The following OPCML variants were observed in gnomAD, a reference collection of about 807,000 sequenced individuals.
OPCML encodes opioid-binding protein/cell adhesion molecule.
In OPCML, 13 loss-of-function variants were observed where a neutral mutation model predicts 37.8. The ratio of observed to expected loss-of-function variants is 0.34; its 90% CI spans 0.22 to 0.55. OPCML has a LOEUF of 0.55. OPCML is among the 20% of genes least tolerant of loss of function. OPCML has a pLI of 0.91. For missense variants in OPCML, 341 were observed against 435.6 expected (o/e 0.78, Z 1.93); for synonymous variants, 176 against 168.8 (o/e 1.04, Z -0.33).
intron 1 of OPCML, among the ~76,000 whole-genome samples, chr11:133,112,195 G>T (rs960644512): frequency 7.1e-6 from 1 of 140,120 alleles, no homozygotes; most frequent in African/African-American, 2.6e-5. Flanking sequence ...TTCCATCCAA[G>T]GATTTTTTTC....
chr11:133,140,112 G>A (rs1353280709), intron 1 of OPCML, among the ~76,000 whole-genome samples: 5 of 151,178 alleles, frequency 3.3e-5, no homozygotes, highest in East Asian at 2.0e-4. Flanking sequence ...ACTTGAACCC[G>A]GGAGGCAGAG....
chr11:132,743,750 A>G (rs928723721), intron 2 of OPCML, among the ~76,000 whole-genome samples: 2 of 152,180 alleles, frequency 1.3e-5, no homozygotes, highest in Non-Finnish European at 1.5e-5. Context: ...AGGTTAAATC[A>G]TAATTGCTTT....
chr11:132,513,877 CTT>C (rs1289477687), intron 4 of OPCML, among the ~76,000 whole-genome samples: 8 of 152,284 alleles, frequency 5.3e-5, no homozygotes, highest in African/African-American at 1.7e-4. Flanking sequence ...TTTCACTAAA[CTT>C]TGAGCTTCCT....
intron 2 of OPCML, among the ~76,000 whole-genome samples, chr11:132,886,504 G>T (rs1373167128): frequency 2.0e-5 from 3 of 152,250 alleles, no homozygotes; most frequent in East Asian, 3.9e-4. Flanking sequence ...CCAGCTGGGG[G>T]CCTCTCCAGC....
intron 3 of OPCML, among the ~76,000 whole-genome samples, chr11:132,556,116 A>T (rs2096394965): frequency 6.6e-6 from 1 of 151,878 alleles, no homozygotes; most frequent in Admixed American, 6.6e-5. Context: ...TTTAGAAAAA[A>T]AAATTTTGTA....
intron 3 of OPCML, among the ~76,000 whole-genome samples, chr11:132,615,732 C>T (rs768881225): frequency 1.3e-5 from 2 of 151,974 alleles, no homozygotes; most frequent in South Asian, 4.2e-4. Flanking sequence ...GCATTGATAC[C>T]GAGAAATGAC....
At chr11:132,432,846 A>G (rs538078752) in intron 7 of OPCML, among the ~76,000 whole-genome samples, 41 of 152,228 alleles carry the variant, frequency 2.7e-4, no homozygotes, top group Non-Finnish European at 5.7e-4. Context: ...GAAACAAGGA[A>G]TCTATCTGTT....
intron 2 of OPCML, among the ~76,000 whole-genome samples, chr11:132,825,599 T>C (rs191187700): frequency 6.6e-6 from 1 of 152,356 alleles, no homozygotes; most frequent in East Asian, 1.9e-4. Flanking sequence ...ATAAATGGCC[T>C]TTCTTCTTTC....
At chr11:133,329,411 T>A (rs1197460294) in intron 1 of OPCML, among the ~76,000 whole-genome samples, 1 of 152,146 alleles carries the variant, frequency 6.6e-6, no homozygotes, top group Non-Finnish European at 1.5e-5. Flanking sequence ...GCTGGAGGCA[T>A]CACGCTACCT....
intron 4 of OPCML, among the ~76,000 whole-genome samples, chr11:132,501,218 C>G (rs1014979750): frequency 2.0e-5 from 3 of 152,108 alleles, no homozygotes; most frequent in African/African-American, 7.2e-5. Flanking sequence ...ACACCTTATA[C>G]AAAAATTAAC....
intron 4 of OPCML, among the ~76,000 whole-genome samples, chr11:132,503,945 A>G (rs60824182): frequency 0.031 from 4,738 of 152,284 alleles, 235 homozygotes; most frequent in African/African-American, 0.11. Context: ...AACCTAGCAT[A>G]TTAAAGATAT....
chr11:132,805,914 T>G (rs892733696), intron 2 of OPCML, among the ~76,000 whole-genome samples: 2 of 152,048 alleles, frequency 1.3e-5, no homozygotes, highest in African/African-American at 4.8e-5. Context: ...GCAAAAATAA[T>G]AACAGTATAA....
chr11:132,878,597 G>A (rs1008961594), intron 2 of OPCML, among the ~76,000 whole-genome samples: 6 of 152,012 alleles, frequency 3.9e-5, no homozygotes, highest in Non-Finnish European at 8.8e-5. Flanking sequence ...TAATTCTTAT[G>A]ATAAATCTCT....
At chr11:132,775,282 A>G (rs1376481199) in intron 2 of OPCML, among the ~76,000 whole-genome samples, 1 of 152,160 alleles carries the variant, frequency 6.6e-6, no homozygotes, top group African/African-American at 2.4e-5. Flanking sequence ...TTGCTTGATG[A>G]CACTGAAGGT....
intron 1 of OPCML, among the ~76,000 whole-genome samples, chr11:132,982,439 T>G (rs977067937): frequency 6.6e-6 from 1 of 151,924 alleles, no homozygotes; most frequent in African/African-American, 2.4e-5. Flanking sequence ...TCCAGAAATC[T>G]TCATAATTCC....
intron 1 of OPCML, among the ~76,000 whole-genome samples, chr11:133,312,511 G>A (rs372688076): frequency 6.6e-6 from 1 of 152,128 alleles, no homozygotes; most frequent in Admixed American, 6.6e-5. Flanking sequence ...CCAAGGCAGG[G>A]GTAATTGTCT....
At chr11:132,611,018 C>G (rs1290863523) in intron 3 of OPCML, among the ~76,000 whole-genome samples, 4 of 152,082 alleles carry the variant, frequency 2.6e-5, no homozygotes. Flanking sequence ...TACTTTAGTT[C>G]CAGCTGCATG....
At chr11:132,571,129 T>C (rs767044750) in intron 3 of OPCML, among the ~76,000 whole-genome samples, 3 of 152,066 alleles carry the variant, frequency 2.0e-5, no homozygotes, top group Admixed American at 6.5e-5. Flanking sequence ...CGTTCTCCCA[T>C]GCTGGATGCT....
At chr11:133,033,268 A>G (rs565320309) in intron 1 of OPCML, among the ~76,000 whole-genome samples, 1 of 152,236 alleles carries the variant, frequency 6.6e-6, no homozygotes, top group Non-Finnish European at 1.5e-5. Context: ...GCAAGCTGAC[A>G]AGACAAAGTA....
Sources: gnomAD v4.1 joint callset for allele counts (sites outside exome capture counted in the v4.1 genomes callset) on GRCh38, gnomAD v4.1.1 for gene constraint, MANE v1.5 for transcripts, NCBI Gene and HGNC (gene_info 2026-07-23, HGNC 2026-07-21) for gene names.